The following DLG1 variants were observed in gnomAD, a reference collection of about 807,000 sequenced individuals.
DLG1 encodes the protein disks large homolog 1.
A neutral mutation model predicts 123.4 loss-of-function variants in DLG1; 42 were observed. That is an observed-to-expected ratio of 0.34 (90% CI 0.27 to 0.44). The LOEUF (loss-of-function observed/expected upper bound fraction) is 0.44, where lower values mean the gene tolerates loss of function less well. Among genes scored for constraint, DLG1 ranks in the 20% least tolerant of loss-of-function variants. The pLI is 1.00. For missense variants in DLG1, 942 were observed against 1,082.6 expected (o/e 0.87, Z 1.82); for synonymous variants, 317 against 356.2 (o/e 0.89, Z 1.24).
intron 14 of DLG1, among the ~76,000 whole-genome samples, chr3:197,096,224 T>G (rs1760557935): frequency 6.6e-6 from 1 of 152,236 alleles, no homozygotes; most frequent in African/African-American, 2.4e-5. Context: ...TCAGTTCTAA[T>G]CCAGTATTAC....
intron 4 of DLG1, among the ~76,000 whole-genome samples, chr3:197,247,383 G>T (rs1368543381): frequency 2.0e-5 from 3 of 152,076 alleles, no homozygotes; most frequent in African/African-American, 7.2e-5. Context: ...GATACAGGTG[G>T]TCTAGTGGGT....
intron 4 of DLG1, among the ~76,000 whole-genome samples, chr3:197,210,921 A>T (rs1206947316): frequency 6.8e-6 from 1 of 146,106 alleles, no homozygotes; most frequent in Admixed American, 6.9e-5. Context: ...AATCCTTTTT[A>T]AAATACAGCA....
intron 13 of DLG1, among the ~76,000 whole-genome samples, chr3:197,109,786 A>C (rs978236695): frequency 6.6e-6 from 1 of 152,188 alleles, no homozygotes; most frequent in Non-Finnish European, 1.5e-5. Flanking sequence ...TAGTCAACAA[A>C]GTTTTTTTCT....
intron 4 of DLG1, among the ~76,000 whole-genome samples, chr3:197,273,842 T>A (rs1765021510): frequency 1.4e-4 from 2 of 14,128 alleles, no homozygotes; most frequent in Non-Finnish European, 1.5e-4. Context: ...ACATTTATAA[T>A]AGCTACCAAA....
At position 197,065,750 on chromosome 3, in the gene DLG1, A is replaced by C. The variant is rs1174213132; in HGVS notation, c.2158T>G (p.Leu720Val). The C allele has an allele frequency of 1.1e-5, 18 of 1,612,756 alleles. No homozygotes were observed. The highest frequency in any genetic ancestry group is 1.1e-4 in the African/African-American group (8 of 74,906). ...GPMKDRINDD[L>V]ISEFPDKFGS... ...AATTTGTCAGGAAATTCTGAGATCA[A>C]GTCATCATTTATCCTGTCTTTCATA... Residue 720 changes from leucine (L) to valine (V), a missense_variant, in exon 21 of 25, where the codon TTG becomes GTG. Transcript: ENST00000667157.
intron 5 of DLG1, among the ~76,000 whole-genome samples, chr3:197,166,318 G>A (rs1173460082): frequency 1.3e-5 from 2 of 152,174 alleles, no homozygotes; most frequent in African/African-American, 2.4e-5. Context: ...GAAGGATACT[G>A]ACAGCAGGTT....
chr3:197,242,440 C>T (rs1749409782), intron 4 of DLG1, among the ~76,000 whole-genome samples: 1 of 151,904 alleles, frequency 6.6e-6, no homozygotes, highest in Admixed American at 6.6e-5. Flanking sequence ...CCTAATAGGC[C>T]TAACTGACAT....
At chr3:197,287,217 C>T (rs892912560) in intron 3 of DLG1, among the ~76,000 whole-genome samples, 1 of 151,998 alleles carries the variant, frequency 6.6e-6, no homozygotes, top group Non-Finnish European at 1.5e-5. Flanking sequence ...GGGAACTGTA[C>T]TTTCCACTCA....
chr3:197,198,100 G>GA (rs1216752988), intron 4 of DLG1, among the ~76,000 whole-genome samples: 2 of 151,516 alleles, frequency 1.3e-5, no homozygotes, highest in East Asian at 3.9e-4. Flanking sequence ...AGCAACCAAA[G>GA]AAAAAACATA....
rs781238208 is a variant in DLG1 at position 197,297,239 on chromosome 3, T to A, written c.-31-4A>T. 3.7e-6 allele frequency: 6 copies of A among 1,613,724 alleles called. No individual in the cohort carries two copies. Among genetic ancestry groups the A allele is most frequent in the Non-Finnish European group, 5.1e-6 (6 of 1,179,990 alleles). On this transcript the variant is annotated splice_polypyrimidine_tract_variant and splice_region_variant and intron_variant, in intron 1 of 24. Coordinates refer to ENST00000667157, the MANE Select transcript of DLG1 (RefSeq NM_001366207.1). ...GAATCAGGAAGAGGGCACACACCTT[T>A]AAAACACACAACGGAAAGGAAAAAG...
chr3:197,045,939 T>C (rs773169487), intron 24 of DLG1, among the ~76,000 whole-genome samples: 11 of 152,142 alleles, frequency 7.2e-5, no homozygotes, highest in Non-Finnish European at 1.3e-4. Flanking sequence ...GTACCTGAGA[T>C]GATGTGCATA....
chr3:197,276,378 T>C (rs922289133), intron 4 of DLG1, among the ~76,000 whole-genome samples: 5 of 152,238 alleles, frequency 3.3e-5, no homozygotes, highest in Admixed American at 3.3e-4. Flanking sequence ...TTCAAATTAG[T>C]TGCACTACTG....
intron 5 of DLG1, among the ~76,000 whole-genome samples, chr3:197,173,268 G>A (rs1180893371): frequency 6.6e-6 from 1 of 152,156 alleles, no homozygotes; most frequent in Non-Finnish European, 1.5e-5. Flanking sequence ...TGGTGGTGGC[G>A]GTGGTAGTGG....
At chr3:197,240,587 T>C (rs1474881022) in intron 4 of DLG1, among the ~76,000 whole-genome samples, 3 of 152,116 alleles carry the variant, frequency 2.0e-5, no homozygotes, top group African/African-American at 7.2e-5. Context: ...CTGACCAATA[T>C]TCAAAGTAGT....
intron 13 of DLG1, among the ~76,000 whole-genome samples, 154 bp downstream of exon 13, chr3:197,115,773 C>G (rs568418934): frequency 6.6e-6 from 1 of 152,252 alleles, no homozygotes; most frequent in South Asian, 2.1e-4. Context: ...ATAATATGTT[C>G]TCTGACACTA....
intron 6 of DLG1, among the ~76,000 whole-genome samples, chr3:197,147,467 CA>C (rs1791486541): frequency 7.5e-6 from 1 of 133,814 alleles, no homozygotes; most frequent in Non-Finnish European, 1.6e-5. Flanking sequence ...CACACACACA[CA>C]CACCATGGAA....
intron 4 of DLG1, among the ~76,000 whole-genome samples, chr3:197,261,115 C>A (rs1251770413): frequency 6.6e-6 from 1 of 152,194 alleles, no homozygotes; most frequent in Non-Finnish European, 1.5e-5. Flanking sequence ...TCAAACTCCT[C>A]AAGAAGTCTT....
At chr3:197,294,124 A>G (rs1447498836) in intron 3 of DLG1, among the ~76,000 whole-genome samples, 1 of 152,116 alleles carries the variant, frequency 6.6e-6, no homozygotes, top group East Asian at 1.9e-4. Flanking sequence ...CAGGAAACAC[A>G]AGAGAATGTA....
At chr3:197,133,777 G>A (rs1217879889) in intron 10 of DLG1, among the ~76,000 whole-genome samples, 1 of 152,184 alleles carries the variant, frequency 6.6e-6, no homozygotes, top group Non-Finnish European at 1.5e-5. Context: ...AGAATGAAGA[G>A]TGGCTACTAA....
Sources: allele counts gnomAD v4.1 joint callset (sites outside exome capture counted in the v4.1 genomes callset), GRCh38; gene constraint gnomAD v4.1.1; transcripts MANE v1.5; gene names NCBI Gene and HGNC (gene_info 2026-07-23, HGNC 2026-07-21).